Variants in XYLT1 observed in about 807,000 individuals in gnomAD.
XYLT1 encodes the protein beta-D-xylosyltransferase 1.
XYLT1 carries 36 observed loss-of-function variants against 91.3 expected under a neutral mutation model. That is an observed-to-expected ratio of 0.39 (90% CI 0.30 to 0.52). The LOEUF is 0.52. XYLT1 is among the 20% of genes least tolerant of loss of function. The pLI is 0.68. For missense variants in XYLT1, 1,242 were observed against 1,284.5 expected (o/e 0.97, Z 0.51); for synonymous variants, 588 against 532.0 (o/e 1.11, Z -1.45).
At chr16:17,398,509 G>A (rs1285005101) in intron 1 of XYLT1, among the ~76,000 whole-genome samples, 1 of 152,178 alleles carries the variant, frequency 6.6e-6, no homozygotes, top group Non-Finnish European at 1.5e-5. Context: ...TAGATGATGG[G>A]TGAACCATGG....
intron 2 of XYLT1, among the ~76,000 whole-genome samples, chr16:17,327,523 C>G (rs9745837): frequency 6.8e-6 from 1 of 147,884 alleles, no homozygotes; most frequent in Non-Finnish European, 1.5e-5. Context: ...CCACCATGCC[C>G]GGCTAATTTT....
At chr16:17,444,593 C>T (rs1292410068) in intron 1 of XYLT1, among the ~76,000 whole-genome samples, 2 of 151,960 alleles carry the variant, frequency 1.3e-5, no homozygotes, top group Admixed American at 1.3e-4. Flanking sequence ...GTGATCCTCC[C>T]GCCTTGGCCT....
chr16:17,316,725 A>T (rs2034637978), intron 2 of XYLT1, among the ~76,000 whole-genome samples: 2 of 150,414 alleles, frequency 1.3e-5, no homozygotes, highest in African/African-American at 2.5e-5. Flanking sequence ...GCTCTGTTTT[A>T]CTTCTGCTTG....
At chr16:17,129,093 A>AAAAAAAAAAG (rs1555480054) in intron 9 of XYLT1, among the ~76,000 whole-genome samples, 1 of 150,912 alleles carries the variant, frequency 6.6e-6, no homozygotes, top group African/African-American at 2.4e-5. Flanking sequence ...AAAAAAAAAA[A>AAAAAAAAAAG]AAAACTTGAA....
intron 2 of XYLT1, among the ~76,000 whole-genome samples, chr16:17,349,414 G>A (rs900266324): frequency 1.3e-5 from 2 of 151,984 alleles, no homozygotes; most frequent in Non-Finnish European, 2.9e-5. Flanking sequence ...TAGCAGGGAA[G>A]GAGACAGATT....
chr16:17,200,358 G>C (rs2032515859), intron 4 of XYLT1, 124 bp downstream of exon 4: 1 of 1,232,746 alleles, frequency 8.1e-7, no homozygotes, highest in African/African-American at 1.5e-5. Flanking sequence ...GAGGCAGCTG[G>C]TCAGCTTCCA....
intron 3 of XYLT1, among the ~76,000 whole-genome samples, chr16:17,214,020 G>A (rs1183008731): frequency 1.3e-5 from 2 of 152,334 alleles, no homozygotes; most frequent in Middle Eastern, 3.4e-3. Context: ...CACTTGGGAA[G>A]AGACAATTCT....
intron 1 of XYLT1, among the ~76,000 whole-genome samples, chr16:17,462,542 G>T (rs1199546662): frequency 2.0e-5 from 3 of 152,168 alleles, no homozygotes; most frequent in Non-Finnish European, 4.4e-5. Context: ...GGAAGGAAGT[G>T]TCCGCAAGAT....
intron 3 of XYLT1, among the ~76,000 whole-genome samples, chr16:17,234,585 CTT>C (rs561574083): frequency 4.2e-5 from 6 of 142,274 alleles, no homozygotes; most frequent in African/African-American, 5.1e-5. Context: ...ATTGACTACT[CTT>C]TTTTTTTTTT....
At chr16:17,210,482 C>A (rs2032736378) in intron 3 of XYLT1, among the ~76,000 whole-genome samples, 1 of 152,148 alleles carries the variant, frequency 6.6e-6, no homozygotes, top group African/African-American at 2.4e-5. Context: ...GAGGCTGAGG[C>A]AGGAGAATTG....
intron 1 of XYLT1, among the ~76,000 whole-genome samples, chr16:17,448,282 T>C (rs553494056): frequency 1.3e-5 from 2 of 152,256 alleles, no homozygotes; most frequent in Non-Finnish European, 2.9e-5. Flanking sequence ...GCAGAATTGC[T>C]TGAACCCGGG....
intron 6 of XYLT1, among the ~76,000 whole-genome samples, chr16:17,151,334 G>A (rs539539893): frequency 3.3e-5 from 5 of 152,278 alleles, no homozygotes; most frequent in African/African-American, 4.8e-5. Context: ...ACTGAGACAC[G>A]AGAATCGCTT....
intron 10 of XYLT1, among the ~76,000 whole-genome samples, chr16:17,124,142 T>C (rs778817285): frequency 6.6e-6 from 1 of 152,228 alleles, no homozygotes; most frequent in Non-Finnish European, 1.5e-5. Flanking sequence ...AGTATTGAGA[T>C]GTGAGGTACT....
At chr16:17,203,570 ATCCACCCACTCATCCATCCC>A (rs1191362018) in intron 3 of XYLT1, among the ~76,000 whole-genome samples, 1 of 151,108 alleles carries the variant, frequency 6.6e-6, no homozygotes, top group Non-Finnish European at 1.5e-5. Flanking sequence ...CTGTCCATCC[ATCCACCCACTCATCCATCCC>A]TCCACCCATC....
intron 3 of XYLT1, among the ~76,000 whole-genome samples, chr16:17,212,502 G>T (rs1051632825): frequency 5.3e-5 from 8 of 152,210 alleles, no homozygotes; most frequent in East Asian, 1.9e-4. Flanking sequence ...GAGGTGGAAA[G>T]AATTTTACCC....
At chr16:17,323,643 G>A (rs62032048) in intron 2 of XYLT1, among the ~76,000 whole-genome samples, 13,056 of 152,218 alleles carry the variant, frequency 0.086, 554 homozygotes, top group Non-Finnish European at 0.1. Context: ...TAGCCCAGGG[G>A]ACATTAGGTT....
At chr16:17,407,905 C>A (rs2036054851) in intron 1 of XYLT1, among the ~76,000 whole-genome samples, 1 of 152,216 alleles carries the variant, frequency 6.6e-6, no homozygotes. Context: ...TCTATTAGTT[C>A]TGCAAGAGCT....
chr16:17,110,279 T>C (rs1452652547), intron 11 of XYLT1, among the ~76,000 whole-genome samples: 4 of 152,208 alleles, frequency 2.6e-5, no homozygotes, highest in South Asian at 4.1e-4. Context: ...GCTAGTGATA[T>C]GGTTTGGCCG....
At chr16:17,419,872 T>C (rs1198107658) in intron 1 of XYLT1, among the ~76,000 whole-genome samples, 2 of 152,170 alleles carry the variant, frequency 1.3e-5, no homozygotes, top group East Asian at 1.9e-4. Flanking sequence ...GAACATTCCA[T>C]GAGACAGGAG....
Sources: allele counts gnomAD v4.1 joint callset (sites outside exome capture counted in the v4.1 genomes callset), GRCh38; gene constraint gnomAD v4.1.1; transcripts MANE v1.5; gene names NCBI Gene and HGNC (gene_info 2026-07-23, HGNC 2026-07-21).